Variants in PCDHGA5 observed in about 807,000 individuals in gnomAD.
PCDHGA5 encodes protocadherin gamma subfamily A, 5.
PCDHGA5 carries 36 observed loss-of-function variants against 56.7 expected under a neutral mutation model. The observed-to-expected ratio is 0.64, with a 90% CI of 0.49 to 0.84. The LOEUF (loss-of-function observed/expected upper bound fraction) is 0.84, where lower values mean the gene tolerates loss of function less well. PCDHGA5 is among the 40% of genes least tolerant of loss of function. PCDHGA5 has a pLI of 0.00. For synonymous variants in PCDHGA5, 563 were observed against 520.2 expected, an observed-to-expected ratio of 1.08 and a Z score of -1.12; for missense variants, 1,305 against 1,201.5, an observed-to-expected ratio of 1.09 and a Z score of -1.27.
At chr5:141,388,625 C>T (rs1417837696) in intron 1 of PCDHGA5, 2 of 1,613,794 alleles carry the variant, frequency 1.2e-6, no homozygotes, top group Non-Finnish European at 1.7e-6. Context: ...AAGACGTATA[C>T]AGGGTGAGCC....
chr5:141,389,233 T>C (rs1374129511), intron 1 of PCDHGA5: 1 of 1,613,926 alleles, frequency 6.2e-7, no homozygotes, highest in Non-Finnish European at 8.5e-7. Context: ...GCTCCGGTTT[T>C]CTCACAGTCT....
At chr5:141,444,918 C>T (rs1197922745) in intron 1 of PCDHGA5, among the ~76,000 whole-genome samples, 1 of 152,106 alleles carries the variant, frequency 6.6e-6, no homozygotes, top group Non-Finnish European at 1.5e-5. Flanking sequence ...ATACCTTTAT[C>T]AGGGAAAGAG....
At chr5:141,433,381 A>ATCTG (rs1561869478) in intron 1 of PCDHGA5, among the ~76,000 whole-genome samples, 2 of 151,148 alleles carry the variant, frequency 1.3e-5, no homozygotes, top group Non-Finnish European at 2.9e-5. Flanking sequence ...CTATCTATCT[A>ATCTG]TCTATCTATC....
At chr5:141,472,295 A>G (rs147192748) in intron 1 of PCDHGA5, among the ~76,000 whole-genome samples, 8,225 of 152,254 alleles carry the variant, frequency 0.054, 462 homozygotes, top group African/African-American at 0.15. Flanking sequence ...TAATCCCAGC[A>G]CTTTGGGAAG....
chr5:141,400,311 T>A, intron 1 of PCDHGA5: 1 of 1,614,098 alleles, frequency 6.2e-7, no homozygotes, highest in Non-Finnish European at 8.5e-7. Flanking sequence ...CTGGTCTCTG[T>A]GTCAAGTCTG....
At chr5:141,408,301 C>G in intron 1 of PCDHGA5, 1 of 1,613,756 alleles carries the variant, frequency 6.2e-7, no homozygotes, top group Non-Finnish European at 8.5e-7. Context: ...GTGAGCCGAT[C>G]CGCTACTCGA....
intron 1 of PCDHGA5, chr5:141,403,407 A>T (rs2094404225): frequency 6.2e-7 from 1 of 1,613,940 alleles, no homozygotes. Context: ...GGAGCACGTT[A>T]TCCACTTCCA....
At chr5:141,478,493 G>A in intron 1 of PCDHGA5, 1 of 1,613,176 alleles carries the variant, frequency 6.2e-7, no homozygotes, top group Non-Finnish European at 8.5e-7. Flanking sequence ...GCGGAGCTGT[G>A]ATCCGGTGTT....
intron 1 of PCDHGA5, chr5:141,405,312 A>G: frequency 1.2e-6 from 2 of 1,614,208 alleles, no homozygotes; most frequent in Non-Finnish European, 8.5e-7. Context: ...AGCTGTGAGA[A>G]AAATGAGCCT....
At position 141,430,831 on chromosome 5, in the gene PCDHGA5, G is replaced by A; in HGVS notation, c.2422-63976G>A. ...TGGGAATCCTCCTGGGGACTCTGTGGGAGACCGGATGCACCCAGATACGCT... is the reference window on the plus strand; with the variant it reads ...TGGGAATCCTCCTGGGGACTCTGTGAGAGACCGGATGCACCCAGATACGCT... On this transcript the variant is annotated intron_variant, in intron 1 of 3. Coordinates refer to ENST00000518069, the MANE Select transcript of PCDHGA5 (RefSeq NM_018918.3). 3 of 1,555,334 alleles carry A rather than the reference G, an allele frequency of 1.9e-6. No individual in the cohort carries two copies. In the South Asian group the frequency reaches 3.8e-5, roughly 19 times the overall value.
chr5:141,488,552 A>C (rs993681273), intron 1 of PCDHGA5, among the ~76,000 whole-genome samples: 1 of 152,194 alleles, frequency 6.6e-6, no homozygotes, highest in African/African-American at 2.4e-5. Context: ...GTCAGCTGAC[A>C]TTGAGATTTC....
chr5:141,410,341 G>A (rs759674499), intron 1 of PCDHGA5: 1 of 1,613,992 alleles, frequency 6.2e-7, no homozygotes, highest in Non-Finnish European at 8.5e-7. Context: ...CCATTGCCTT[G>A]CGCCTGCGAC....
At chr5:141,430,638 G>A in intron 1 of PCDHGA5, 1 of 898,338 alleles carries the variant, frequency 1.1e-6, no homozygotes, top group Non-Finnish European at 1.6e-6. Flanking sequence ...CCATCCCTGG[G>A]AGTATGTGGA....
intron 1 of PCDHGA5, chr5:141,384,384 C>G: frequency 6.2e-7 from 1 of 1,613,934 alleles, no homozygotes; most frequent in African/African-American, 1.3e-5. Flanking sequence ...CCGAAGACAC[C>G]ATCCAGGGGG....
intron 1 of PCDHGA5, chr5:141,417,931 G>T (rs551432799): frequency 6.8e-6 from 11 of 1,611,382 alleles, no homozygotes; most frequent in Middle Eastern, 1.6e-4. Flanking sequence ...TGCTGCCTTT[G>T]TTCTACCCCA....
rs1256790840 is a variant in PCDHGA5, at chr5:141,392,835, C to T, written c.2421+26084C>T. 8 of 1,608,038 alleles carry T rather than the reference C, an allele frequency of 5.0e-6. No individual in the cohort carries two copies. In the South Asian group the frequency reaches 5.5e-5, roughly 11 times the overall value. On this transcript the variant is annotated intron_variant, in intron 1 of 3. Coordinates refer to ENST00000518069, the MANE Select transcript of PCDHGA5 (RefSeq NM_018918.3). The stretch of plus-strand genomic sequence containing the variant: ...AACAATGGCCGCTCCACAGAGTCGC[C>T]CCAGACGCGGCGAGCTGATCCTGCT...
At chr5:141,384,677 C>A in intron 1 of PCDHGA5, 3 of 1,614,188 alleles carry the variant, frequency 1.9e-6, no homozygotes, top group Non-Finnish European at 2.5e-6. Context: ...AAGGTGGTGG[C>A]GGTGGACAAA....
intron 1 of PCDHGA5, chr5:141,375,703 G>A (rs776426026): frequency 3.7e-6 from 6 of 1,614,144 alleles, no homozygotes; most frequent in Admixed American, 1.7e-5. Context: ...GCGGGGACCC[G>A]CCTCTTAGCA....
In PCDHGA5 at chr5:141,375,116, C is replaced by G. The variant is rs754682469; in HGVS notation, c.2421+8365C>G. On this transcript the variant is annotated intron_variant, in intron 1 of 3. Coordinates refer to ENST00000518069, the MANE Select transcript of PCDHGA5 (RefSeq NM_018918.3). ...TATCTTGGATGTCAATGATAATGTA[C>G]CAGAAGTGGTTGTTACATCTGGAAG... 4 of 1,613,768 alleles carry G rather than the reference C, an allele frequency of 2.5e-6. No individual in the cohort carries two copies. The highest frequency in any genetic ancestry group is 3.4e-6 in the Non-Finnish European group (4 of 1,179,904).
Sources: allele counts gnomAD v4.1 joint callset (sites outside exome capture counted in the v4.1 genomes callset), GRCh38; gene constraint gnomAD v4.1.1; transcripts MANE v1.5; gene names NCBI Gene and HGNC (gene_info 2026-07-23, HGNC 2026-07-21).